The following FOXJ3 variants were observed in gnomAD, a reference collection of about 807,000 sequenced individuals.
FOXJ3 encodes forkhead box protein J3.
FOXJ3 carries 22 observed loss-of-function variants against 76.1 expected under a neutral mutation model. That is an observed-to-expected ratio of 0.29 (90% CI 0.21 to 0.41). The LOEUF is 0.41. FOXJ3 is among the 10% of genes least tolerant of loss of function. The pLI is 1.00. For missense variants in FOXJ3, 613 were observed against 762.1 expected (o/e 0.80, Z 2.30); for synonymous variants, 269 against 261.2 (o/e 1.03, Z -0.29).
At chr1:42,293,077 G>C (rs1017118346) in intron 2 of FOXJ3, among the ~76,000 whole-genome samples, 1 of 152,088 alleles carries the variant, frequency 6.6e-6, no homozygotes, top group African/African-American at 2.4e-5. Context: ...CTCCAGCCTG[G>C]GTGACACAGT....
chr1:42,307,383 G>A (rs535446529), intron 2 of FOXJ3, among the ~76,000 whole-genome samples: 1 of 152,212 alleles, frequency 6.6e-6, no homozygotes, highest in South Asian at 2.1e-4. Context: ...TTTCCTCTAA[G>A]TTCCTAATGT....
chr1:42,324,087 T>C (rs796120721), intron 1 of FOXJ3, among the ~76,000 whole-genome samples: 17 of 16,860 alleles, frequency 1.0e-3, no homozygotes, highest in South Asian at 2.4e-3. Flanking sequence ...ATAGTATATA[T>C]ACTGTATATA....
chr1:42,184,102 C>T lies in FOXJ3; in HGVS notation c.1646-2078G>A, dbSNP rs575153533. Among the ~76,000 whole-genome samples the T allele has an allele frequency of 4.6e-5, 7 of 152,220 alleles. No individual in the cohort carries two copies. The East Asian group carries it at 9.6e-4, about 21-fold the overall frequency. ...CGGAATCCTGTCTCCAAATGCTGAT[C>T]GGTCTTCACATGCACGCCTAGTGTA... On this transcript the variant is annotated intron_variant, in intron 11 of 12. Transcript: ENST00000361346.
intron 1 of FOXJ3, among the ~76,000 whole-genome samples, chr1:42,333,556 C>T (rs933789079): frequency 6.6e-6 from 1 of 152,082 alleles, no homozygotes; most frequent in Non-Finnish European, 1.5e-5. Context: ...TTAATCACGT[C>T]TATATAATAT....
At chr1:42,278,958 A>C (rs1652493914) in intron 2 of FOXJ3, among the ~76,000 whole-genome samples, 1 of 152,342 alleles carries the variant, frequency 6.6e-6, no homozygotes. Context: ...CTTTCTAAAA[A>C]TCACTGCCTG....
intron 8 of FOXJ3, among the ~76,000 whole-genome samples, chr1:42,193,151 GT>G (rs539439895): frequency 8.1e-4 from 119 of 147,406 alleles, no homozygotes; most frequent in Admixed American, 1.2e-3. Flanking sequence ...GTATAATATA[GT>G]TTTTTTTTTT....
chr1:42,334,839 G>C (rs1656379634), intron 1 of FOXJ3: 1 of 152,174 alleles, frequency 6.6e-6, no homozygotes, highest in Non-Finnish European at 1.5e-5. Context: ...CAGCTGAGAA[G>C]CGCCGCGGGG....
chr1:42,230,790 T>C (rs112698450), intron 4 of FOXJ3, among the ~76,000 whole-genome samples: 3,193 of 151,264 alleles, frequency 0.021, 102 homozygotes, highest in African/African-American at 0.074. Context: ...GTAGAAAATA[T>C]GGCAATTCCT....
intron 5 of FOXJ3, among the ~76,000 whole-genome samples, chr1:42,209,741 C>T (rs546575806): frequency 2.6e-5 from 4 of 152,294 alleles, no homozygotes; most frequent in Admixed American, 6.5e-5. Context: ...CCAGCAGGCC[C>T]GGAGGGAAGC....
chr1:42,246,598 A>G (rs1267544234), intron 4 of FOXJ3, among the ~76,000 whole-genome samples: 10 of 152,040 alleles, frequency 6.6e-5, no homozygotes, highest in African/African-American at 2.4e-4. Flanking sequence ...GTAAATTAGT[A>G]CAGCCATTTA....
intron 4 of FOXJ3, among the ~76,000 whole-genome samples, chr1:42,244,776 A>G (rs1649413336): frequency 6.6e-6 from 1 of 152,198 alleles, no homozygotes; most frequent in South Asian, 2.1e-4. Context: ...CCAAACTGTA[A>G]AACTGAGAGG....
intron 5 of FOXJ3, among the ~76,000 whole-genome samples, chr1:42,207,929 A>T (rs983595545): frequency 6.6e-6 from 1 of 152,220 alleles, no homozygotes; most frequent in African/African-American, 2.4e-5. Flanking sequence ...AATTAAGTTA[A>T]CACAGAAGAT....
At chr1:42,187,824 T>C (rs115870621) in intron 11 of FOXJ3, among the ~76,000 whole-genome samples, 24 of 152,312 alleles carry the variant, frequency 1.6e-4, no homozygotes, top group African/African-American at 5.8e-4. Context: ...AAATAGTGAC[T>C]GAAGGTTTCA....
Position 42,177,217 on chromosome 1 carries a change from G to A in FOXJ3, c.*2493C>T, listed in dbSNP as rs1156496644. On this transcript the variant is annotated 3_prime_UTR_variant, in exon 13 of 13. Transcript: ENST00000361346. ...ACCTGGATCACAGGAGAGTGGGATG[G>A]GTCTGGGTGAAGGCTTTGCCTCCAT... is the stretch of plus-strand genomic sequence containing the variant. 6.6e-6 allele frequency: 1 copy of A among 152,626 alleles called. No individual in the cohort carries two copies. The highest frequency in any genetic ancestry group is 2.4e-5 in the African/African-American group (1 of 41,434). The allele number at this position is 152,626 out of a possible 1,614,324, so 9.5% of individuals were successfully genotyped here. A position where few individuals can be genotyped will look rare whatever the true frequency, so the allele number is the denominator to read the frequency against.
rs921186742 is a variant in FOXJ3 at position 42,179,602 on chromosome 1, T to C, written c.*108A>G. The C allele has an allele frequency of 7.4e-5, 50 of 678,486 alleles. No homozygotes were observed. The highest frequency in any genetic ancestry group is 1.4e-4 in the Admixed American group (6 of 42,064). 42.0% of individuals were successfully genotyped at this position (678,486 alleles called of 1,614,324 possible). On this transcript the variant is annotated 3_prime_UTR_variant, in exon 13 of 13. Coordinates refer to ENST00000361346, the MANE Select transcript of FOXJ3 (RefSeq NM_014947.5). ...GTCTTCAAAAGTAATTTTGATAACA[T>C]TGGTAAAGTGATTAGCAAGTTTGTT...
chr1:42,302,217 C>T (rs1282500428), intron 2 of FOXJ3, among the ~76,000 whole-genome samples: 1 of 152,194 alleles, frequency 6.6e-6, no homozygotes, highest in Admixed American at 6.5e-5. Context: ...TAGTGCTGCA[C>T]ACTTGTGTCA....
At chr1:42,236,133 T>C (rs908404857) in intron 4 of FOXJ3, among the ~76,000 whole-genome samples, 3 of 152,232 alleles carry the variant, frequency 2.0e-5, no homozygotes, top group African/African-American at 7.2e-5. Context: ...ACTAGACTCA[T>C]GTGGAGCAAG....
intron 4 of FOXJ3, among the ~76,000 whole-genome samples, chr1:42,250,502 A>C (rs1402722151): frequency 6.6e-6 from 1 of 152,158 alleles, no homozygotes; most frequent in East Asian, 1.9e-4. Flanking sequence ...CATTTCACCA[A>C]TTACCTATGC....
chr1:42,289,388 A>C (rs1653270921), intron 2 of FOXJ3, among the ~76,000 whole-genome samples: 1 of 152,176 alleles, frequency 6.6e-6, no homozygotes, highest in African/African-American at 2.4e-5. Flanking sequence ...TGAGGAATAA[A>C]TGACAAGATA....
Sources: allele counts gnomAD v4.1 joint callset (sites outside exome capture counted in the v4.1 genomes callset), GRCh38; gene constraint gnomAD v4.1.1; transcripts MANE v1.5; gene names NCBI Gene and HGNC (gene_info 2026-07-23, HGNC 2026-07-21).